The following TNNI3K variants were observed in gnomAD, a reference collection of about 807,000 sequenced individuals.
TNNI3K encodes serine/threonine-protein kinase TNNI3K.
Under a neutral mutation model 114.5 loss-of-function variants are expected in TNNI3K, and 140 were observed. The observed-to-expected ratio is 1.22, with a 90% CI of 1.07 to 1.41. The LOEUF is 1.41. Among genes scored for constraint, TNNI3K ranks in the 40% most tolerant of loss-of-function variants. TNNI3K has a pLI of 0.00. For synonymous variants in TNNI3K, 347 were observed against 347.5 expected, an observed-to-expected ratio of 1.00 and a Z score of 0.02; for missense variants, 1,125 against 1,007.6, an observed-to-expected ratio of 1.12 and a Z score of -1.58.
At chr1:74,364,170 A>T (rs1426154488) in intron 11 of TNNI3K, among the ~76,000 whole-genome samples, 1 of 150,584 alleles carries the variant, frequency 6.6e-6, no homozygotes, top group African/African-American at 2.4e-5. Flanking sequence ...CCACTAATTT[A>T]AAAAAAAATT....
At chr1:74,509,033 G>C (rs2100371054) in intron 23 of TNNI3K, among the ~76,000 whole-genome samples, 1 of 152,280 alleles carries the variant, frequency 6.6e-6, no homozygotes, top group South Asian at 2.1e-4. Flanking sequence ...CTGAGGGTGA[G>C]AAATGAAAGC....
At chr1:74,346,456 A>G (rs1386455686) in intron 9 of TNNI3K, among the ~76,000 whole-genome samples, 3 of 152,072 alleles carry the variant, frequency 2.0e-5, no homozygotes, top group African/African-American at 7.2e-5. Flanking sequence ...TTTATGAAAA[A>G]TGACTAATAT....
chr1:74,333,318 T>G (rs528806802), intron 6 of TNNI3K, among the ~76,000 whole-genome samples: 1 of 152,282 alleles, frequency 6.6e-6, no homozygotes, highest in South Asian at 2.1e-4. Context: ...TGGAGTGCAA[T>G]GAAGAGCTGG....
chr1:74,351,786 C>T (rs935623535), intron 9 of TNNI3K, among the ~76,000 whole-genome samples: 4 of 152,168 alleles, frequency 2.6e-5, no homozygotes, highest in African/African-American at 7.2e-5. Context: ...GCATTCGTCA[C>T]GTAGTTTTCG....
At chr1:74,523,839 T>C (rs1646466970) in intron 23 of TNNI3K, among the ~76,000 whole-genome samples, 1 of 152,210 alleles carries the variant, frequency 6.6e-6, no homozygotes, top group South Asian at 2.1e-4. Flanking sequence ...GTTTGTTACA[T>C]AGGTATACAT....
chr1:74,298,655 A>T (rs942905415), intron 5 of TNNI3K, among the ~76,000 whole-genome samples: 4 of 152,072 alleles, frequency 2.6e-5, no homozygotes, highest in Non-Finnish European at 4.4e-5. Flanking sequence ...TTTATACTTA[A>T]TAAGTTTGGA....
At chr1:74,415,229 C>A (rs902941509) in intron 17 of TNNI3K, among the ~76,000 whole-genome samples, 18 of 152,118 alleles carry the variant, frequency 1.2e-4, no homozygotes, top group African/African-American at 4.1e-4. Context: ...AAATATTATC[C>A]TATTAGTGAG....
chr1:74,308,181 A>G (rs1257559025), intron 5 of TNNI3K, among the ~76,000 whole-genome samples: 1 of 152,148 alleles, frequency 6.6e-6, no homozygotes, highest in Admixed American at 6.5e-5. Flanking sequence ...AGACATCTAC[A>G]GAATAAGCCG....
intron 5 of TNNI3K, among the ~76,000 whole-genome samples, chr1:74,327,119 C>A (rs2100400409): frequency 6.7e-6 from 1 of 150,036 alleles, no homozygotes; most frequent in Non-Finnish European, 1.5e-5. Flanking sequence ...GCAGAATGTG[C>A]AAATCGTGTT....
chr1:74,393,982 A>G (rs574176289), intron 17 of TNNI3K, among the ~76,000 whole-genome samples: 1 of 152,348 alleles, frequency 6.6e-6, no homozygotes, highest in African/African-American at 2.4e-5. Context: ...CCCAGTTTCT[A>G]ACAGGCCACA....
chr1:74,508,533 A>G (rs954726448), intron 23 of TNNI3K, among the ~76,000 whole-genome samples: 1 of 152,342 alleles, frequency 6.6e-6, no homozygotes. Context: ...CAAACTCCAC[A>G]AAAGACAGAG....
At chr1:74,426,752 A>G (rs960662319) in intron 17 of TNNI3K, among the ~76,000 whole-genome samples, 4 of 152,014 alleles carry the variant, frequency 2.6e-5, no homozygotes, top group African/African-American at 9.7e-5. Context: ...TCCCTGGCAC[A>G]TTGCCAGAGA....
chr1:74,515,056 T>C (rs1048417822), intron 23 of TNNI3K, among the ~76,000 whole-genome samples: 2 of 152,162 alleles, frequency 1.3e-5, no homozygotes, highest in African/African-American at 4.8e-5. Flanking sequence ...CACCAGAAAC[T>C]AGGACATGGG....
At chr1:74,450,854 C>T (rs922880475) in intron 20 of TNNI3K, among the ~76,000 whole-genome samples, 8 of 152,114 alleles carry the variant, frequency 5.3e-5, no homozygotes, top group Non-Finnish European at 8.8e-5. Context: ...CCTCAAAGGC[C>T]TAGAACCAGA....
At chr1:74,304,601 C>A (rs890038608) in intron 5 of TNNI3K, among the ~76,000 whole-genome samples, 3 of 151,994 alleles carry the variant, frequency 2.0e-5, no homozygotes, top group Non-Finnish European at 4.4e-5. Flanking sequence ...TGCCACCATG[C>A]CTGTCTAATT....
intron 4 of TNNI3K, among the ~76,000 whole-genome samples, 160 bp downstream of exon 4, chr1:74,250,929 C>A (rs1179983839): frequency 1.3e-5 from 2 of 150,230 alleles, no homozygotes; most frequent in Admixed American, 6.7e-5. Flanking sequence ...TGAGCAGATA[C>A]CTGCTGCATA....
chr1:74,469,363 A>G (rs925142604), intron 21 of TNNI3K: 1 of 152,660 alleles, frequency 6.6e-6, no homozygotes, highest in South Asian at 2.1e-4. Flanking sequence ...ACCAATATGC[A>G]TATCAGTTAC....
chr1:74,443,938 G>T (rs945677387), intron 20 of TNNI3K, among the ~76,000 whole-genome samples: 7 of 152,006 alleles, frequency 4.6e-5, no homozygotes, highest in Non-Finnish European at 7.4e-5. Flanking sequence ...ATTCAGAAAA[G>T]GTCTTTGATA....
chr1:74,403,936 G>C (rs529960482), intron 17 of TNNI3K, among the ~76,000 whole-genome samples: 1 of 152,090 alleles, frequency 6.6e-6, no homozygotes, highest in Non-Finnish European at 1.5e-5. Flanking sequence ...ACCACCATTA[G>C]AGTAAATAAT....
Sources: allele counts gnomAD v4.1 joint callset (sites outside exome capture counted in the v4.1 genomes callset), GRCh38; gene constraint gnomAD v4.1.1; transcripts MANE v1.5; gene names NCBI Gene and HGNC (gene_info 2026-07-23, HGNC 2026-07-21).